ATXN1: variants seen among roughly 807,000 people sequenced by gnomAD.
ATXN1 encodes the protein ataxin-1.
ATXN1 carries 8 observed loss-of-function variants against 56.4 expected under a neutral mutation model. That is an observed-to-expected ratio of 0.14 (90% CI 0.08 to 0.26). ATXN1 has a LOEUF of 0.26. Among genes scored for constraint, ATXN1 ranks in the 10% least tolerant of loss-of-function variants. The probability of loss-of-function intolerance (pLI) is 1.00; values close to 1 mark genes in which losing one functional copy is unlikely to be tolerated. For synonymous variants in ATXN1, 514 were observed against 494.6 expected (o/e 1.04, Z -0.52); for missense variants, 987 against 1,106.5 (o/e 0.89, Z 1.53).
chr6:16,688,342 A>G (rs1445950436), intron 2 of ATXN1, among the ~76,000 whole-genome samples: 3 of 152,338 alleles, frequency 2.0e-5, no homozygotes, highest in South Asian at 2.1e-4. Context: ...AAATGAAGAA[A>G]CAATAGTTGA....
intron 3 of ATXN1, among the ~76,000 whole-genome samples, chr6:16,605,345 G>C (rs75887878): frequency 0.029 from 4,340 of 152,276 alleles, 80 homozygotes; most frequent in South Asian, 0.077. Flanking sequence ...CACAGATGTA[G>C]ACACCGAGGC....
rs944275777 is a variant in ATXN1 at position 16,300,249 on chromosome 6, A to G, written c.*6080T>C. On this transcript the variant is annotated 3_prime_UTR_variant, in exon 8 of 8. Transcript: ENST00000436367. ...TAAGAAAAGTTATGGAAATTCTTAG[A>G]GATTGTTGTTATTGTATAGATACTA... 1.3e-5 allele frequency: 2 copies of G among 152,610 alleles called. No individual in the cohort carries two copies. The highest frequency in any genetic ancestry group is 4.8e-5 in the African/African-American group (2 of 41,434). The allele number at this position is 152,610 out of a possible 1,614,324, so 9.5% of individuals were successfully genotyped here.
At chr6:16,496,013 A>G (rs761287023) in intron 5 of ATXN1, among the ~76,000 whole-genome samples, 2 of 152,206 alleles carry the variant, frequency 1.3e-5, no homozygotes, top group Non-Finnish European at 2.9e-5. Flanking sequence ...ACTTTCCATA[A>G]TAATATTACG....
intron 4 of ATXN1, among the ~76,000 whole-genome samples, chr6:16,565,380 C>G (rs755321825): frequency 1.3e-5 from 2 of 152,084 alleles, no homozygotes; most frequent in African/African-American, 4.8e-5. Flanking sequence ...TCCCCATAAT[C>G]TATTTATTTG....
chr6:16,622,739 C>T (rs1412644166), intron 3 of ATXN1, among the ~76,000 whole-genome samples: 7 of 152,122 alleles, frequency 4.6e-5, no homozygotes, highest in African/African-American at 1.4e-4. Context: ...ACTTACTATG[C>T]AGGGTACTTA....
In ATXN1 at chr6:16,304,334, A is replaced by T. The variant is rs1433672014; in HGVS notation, c.*1995T>A. 1.3e-5 allele frequency: 2 copies of T among 152,560 alleles called. No individual in the cohort carries two copies. The highest frequency in any genetic ancestry group is 4.8e-5 in the African/African-American group (2 of 41,432). 9.5% of individuals were successfully genotyped at this position (152,560 alleles called of 1,614,324 possible). A position where few individuals can be genotyped will look rare whatever the true frequency, so the allele number is the denominator to read the frequency against. On this transcript the variant is annotated 3_prime_UTR_variant, in exon 8 of 8. Transcript: ENST00000436367. The stretch of plus-strand genomic sequence containing the variant: ...AAAGCACTTTAAAGATGCATTCAAA[A>T]CCCACAAATGATATTTCGGATCTCT...
chr6:16,357,362 C>T (rs545939075), intron 6 of ATXN1, among the ~76,000 whole-genome samples: 11 of 152,010 alleles, frequency 7.2e-5, no homozygotes, highest in East Asian at 1.9e-4. Flanking sequence ...CTCTGCCTCC[C>T]GGGTTCAAGC....
chr6:16,308,640 C>A (rs972074539), intron 7 of ATXN1, among the ~76,000 whole-genome samples: 1 of 152,134 alleles, frequency 6.6e-6, no homozygotes, highest in Non-Finnish European at 1.5e-5. Flanking sequence ...ACAGGCCTTT[C>A]AAGGTCTGAA....
chr6:16,519,598 C>T (rs908955464), intron 5 of ATXN1, among the ~76,000 whole-genome samples: 4 of 152,314 alleles, frequency 2.6e-5, no homozygotes, highest in Middle Eastern at 3.4e-3. Flanking sequence ...TCACATTGCT[C>T]CATGTCACTA....
intron 2 of ATXN1, among the ~76,000 whole-genome samples, chr6:16,711,331 T>C (rs1759517553): frequency 6.6e-6 from 1 of 151,966 alleles, no homozygotes; most frequent in African/African-American, 2.4e-5. Context: ...GAGGATAACA[T>C]CTTAGCAACC....
intron 6 of ATXN1, chr6:16,432,529 T>C (rs1235885820): frequency 6.6e-6 from 1 of 152,146 alleles, no homozygotes. Context: ...TTTAAAAGCA[T>C]GCAAGGAAGA....
Position 16,608,991 on chromosome 6 carries a change from G to GAAGT in ATXN1, c.-488-23088_-488-23085dup. ...TTTCCCACAAATATAAAGATGGGGG[G>GAAGT]AAGTCTACACCAGTGCTGAAAAAAA... On this transcript the variant is annotated intron_variant, in intron 3 of 7. Coordinates refer to ENST00000436367, the MANE Select transcript of ATXN1 (RefSeq NM_001128164.2). 1.3e-5 allele frequency among the ~76,000 whole-genome samples: 2 copies of GAAGT among 152,108 alleles called. 1 individual carries two copies. The highest frequency in any genetic ancestry group is 3.9e-4 in the East Asian group (2 of 5,190).
intron 2 of ATXN1, chr6:16,739,521 C>T (rs1256932647): frequency 8.6e-6 from 2 of 232,268 alleles, no homozygotes; most frequent in Non-Finnish European, 1.8e-5. Context: ...TGGATGGGTG[C>T]CTTTTTTCTA....
At chr6:16,453,588 TATCATCATCATC>T (rs924301113) in intron 6 of ATXN1, among the ~76,000 whole-genome samples, 1 of 152,138 alleles carries the variant, frequency 6.6e-6, no homozygotes, top group Non-Finnish European at 1.5e-5. Context: ...TCATTATCAT[TATCATCATCATC>T]ATCATCTTCA....
chr6:16,421,421 T>TTTAAATATTAAATA (rs1759029592), intron 6 of ATXN1, among the ~76,000 whole-genome samples: 2 of 152,150 alleles, frequency 1.3e-5, no homozygotes, highest in African/African-American at 4.8e-5. Flanking sequence ...AATGACTAAT[T>TTTAAATATTAAATA]TTTAAATAAC....
At chr6:16,389,369 A>T (rs1234524604) in intron 6 of ATXN1, among the ~76,000 whole-genome samples, 1 of 152,056 alleles carries the variant, frequency 6.6e-6, no homozygotes, top group African/African-American at 2.4e-5. Context: ...AGGAAAGAAA[A>T]AGATGATAGC....
At chr6:16,414,377 G>A (rs1478737532) in intron 6 of ATXN1, among the ~76,000 whole-genome samples, 1 of 152,140 alleles carries the variant, frequency 6.6e-6, no homozygotes, top group Non-Finnish European at 1.5e-5. Context: ...TATGATTCTT[G>A]CAGTTACTAA....
intron 6 of ATXN1, among the ~76,000 whole-genome samples, chr6:16,404,445 G>T (rs377528083): frequency 6.6e-6 from 1 of 152,182 alleles, no homozygotes; most frequent in South Asian, 2.1e-4. Flanking sequence ...CCAGCAATGA[G>T]AGGGCGTCTG....
intron 7 of ATXN1, among the ~76,000 whole-genome samples, chr6:16,315,160 T>A (rs1409166725): frequency 6.6e-6 from 1 of 152,100 alleles, no homozygotes; most frequent in Non-Finnish European, 1.5e-5. Context: ...AAACTTAAAG[T>A]GACCTAAAAC....
Sources: allele counts gnomAD v4.1 joint callset (sites outside exome capture counted in the v4.1 genomes callset), GRCh38; gene constraint gnomAD v4.1.1; transcripts MANE v1.5; gene names NCBI Gene and HGNC (gene_info 2026-07-23, HGNC 2026-07-21).